Variants in ZC3H12B observed in about 807,000 individuals in gnomAD.
ZC3H12B encodes the protein probable ribonuclease ZC3H12B.
A neutral mutation model predicts 43.9 loss-of-function variants in ZC3H12B; 7 were observed. The observed-to-expected ratio is 0.16, with a 90% CI of 0.09 to 0.30. ZC3H12B has a LOEUF of 0.30. Ranked by LOEUF, ZC3H12B falls within the 10% of genes least tolerant of loss-of-function variation. ZC3H12B has a pLI of 1.00. For missense variants in ZC3H12B, 475 were observed against 670.2 expected, an observed-to-expected ratio of 0.71 and a Z score of 3.22; for synonymous variants, 222 against 241.7, an observed-to-expected ratio of 0.92 and a Z score of 0.76.
At chrX:65,461,898 TA>T (rs2067755007) in intron 3 of ZC3H12B, among the ~76,000 whole-genome samples, 1 of 109,896 alleles carries the variant, frequency 9.1e-6, no homozygotes. Context: ...TTCAGGATTT[TA>T]AAAAAAGAAT....
the ZC3H12B span, among the ~76,000 whole-genome samples, chrX:65,292,557 G>A: frequency 9.0e-6 from 1 of 110,959 alleles, no homozygotes; most frequent in African/African-American, 3.3e-5. Flanking sequence ...TGTGCAACAA[G>A]CAAACTACTC....
intron 3 of ZC3H12B, among the ~76,000 whole-genome samples, chrX:65,399,524 G>A (rs779216088): frequency 9.0e-6 from 1 of 111,583 alleles, no homozygotes; most frequent in East Asian, 2.8e-4. Flanking sequence ...TCAAAAGACA[G>A]GCAATAACAA....
At chrX:65,291,587 A>G in the ZC3H12B span, among the ~76,000 whole-genome samples, 1 of 112,289 alleles carries the variant, frequency 8.9e-6, no homozygotes, top group African/African-American at 3.2e-5. Flanking sequence ...TAAGGCATGT[A>G]AAATATTGAG....
chrX:65,458,085 T>G (rs867472609), intron 3 of ZC3H12B, among the ~76,000 whole-genome samples: 3 of 49,082 alleles, frequency 6.1e-5, no homozygotes, highest in Non-Finnish European at 7.6e-5. Context: ...AAAAAAAAAT[T>G]AAAAAAAAAA....
the ZC3H12B span, among the ~76,000 whole-genome samples, chrX:65,136,639 C>A: frequency 9.0e-6 from 1 of 111,130 alleles, no homozygotes; most frequent in East Asian, 2.8e-4. Flanking sequence ...ATTGTCTGTC[C>A]CAATGGCATT....
chrX:65,327,097 A>G, the ZC3H12B span, among the ~76,000 whole-genome samples: 3 of 111,437 alleles, frequency 2.7e-5, no homozygotes, highest in East Asian at 5.6e-4. Flanking sequence ...TAAAATTACT[A>G]TATGATCCAG....
the ZC3H12B span, among the ~76,000 whole-genome samples, chrX:65,247,023 A>G: frequency 8.9e-6 from 1 of 112,351 alleles, no homozygotes; most frequent in Non-Finnish European, 1.9e-5. Flanking sequence ...AAAGATCAGC[A>G]TCTATAAGGA....
chrX:65,121,278 C>A, the ZC3H12B span, among the ~76,000 whole-genome samples: 18 of 111,151 alleles, frequency 1.6e-4, no homozygotes, highest in African/African-American at 5.9e-4. Flanking sequence ...TCCGTCTGGT[C>A]CTGGAGTTTT....
At chrX:65,195,907 C>T in the ZC3H12B span, among the ~76,000 whole-genome samples, 25 of 112,121 alleles carry the variant, frequency 2.2e-4, no homozygotes, top group Non-Finnish European at 3.8e-4. Flanking sequence ...TCTTTACTCT[C>T]TAGTGGTGTT....
At chrX:65,057,328 C>T in the ZC3H12B span, among the ~76,000 whole-genome samples, 8 of 111,415 alleles carry the variant, frequency 7.2e-5, no homozygotes, top group African/African-American at 2.6e-4. Context: ...GATTTTATTT[C>T]TCCTTCACTT....
chrX:65,309,244 G>A, the ZC3H12B span, among the ~76,000 whole-genome samples: 1 of 109,766 alleles, frequency 9.1e-6, no homozygotes, highest in Non-Finnish European at 1.9e-5. Context: ...TTGATAGACT[G>A]CTAGCAAGAT....
At chrX:65,102,676 C>G in the ZC3H12B span, among the ~76,000 whole-genome samples, 1 of 111,739 alleles carries the variant, frequency 8.9e-6, no homozygotes. Flanking sequence ...ATACAACTTA[C>G]AAGGCACGTG....
the ZC3H12B span, among the ~76,000 whole-genome samples, chrX:65,127,892 G>A: frequency 1.3e-4 from 15 of 111,204 alleles, no homozygotes; most frequent in African/African-American, 3.9e-4. Flanking sequence ...CCCACCAATA[G>A]CACCAGTCTA....
chrX:65,050,468 G>A, the ZC3H12B span, among the ~76,000 whole-genome samples: 1 of 110,686 alleles, frequency 9.0e-6, no homozygotes, highest in Non-Finnish European at 1.9e-5. Flanking sequence ...AGGCATCCTT[G>A]CCTTGTTCCT....
intron 3 of ZC3H12B, among the ~76,000 whole-genome samples, chrX:65,437,342 A>G (rs772676809): frequency 4.5e-4 from 50 of 111,798 alleles, no homozygotes; most frequent in Non-Finnish European, 8.5e-4. Flanking sequence ...TCTACCCTCC[A>G]TCTCCATGAA....
chrX:65,234,086 C>G, the ZC3H12B span, among the ~76,000 whole-genome samples: 3 of 111,201 alleles, frequency 2.7e-5, no homozygotes, highest in Non-Finnish European at 3.8e-5. Context: ...AACTGCAGGC[C>G]AAGATCTCTG....
intron 3 of ZC3H12B, among the ~76,000 whole-genome samples, chrX:65,482,130 T>C (rs1385336427): frequency 8.9e-6 from 1 of 112,075 alleles, no homozygotes; most frequent in African/African-American, 3.2e-5. Context: ...CCCAGTGTTG[T>C]TAACTGAATG....
At chrX:65,439,713 C>T (rs1172421246) in intron 3 of ZC3H12B, among the ~76,000 whole-genome samples, 1 of 111,858 alleles carries the variant, frequency 8.9e-6, no homozygotes, top group Non-Finnish European at 1.9e-5. Context: ...TCATAGCTAC[C>T]ATTAAATTAT....
chrX:65,152,652 A>G, the ZC3H12B span, among the ~76,000 whole-genome samples: 2 of 111,379 alleles, frequency 1.8e-5, no homozygotes, highest in African/African-American at 3.3e-5. Flanking sequence ...GAAAATGGCC[A>G]TACCGCTCAA....
Sources: allele counts gnomAD v4.1 joint callset (sites outside exome capture counted in the v4.1 genomes callset), GRCh38; gene constraint gnomAD v4.1.1; transcripts MANE v1.5; gene names NCBI Gene and HGNC (gene_info 2026-07-23, HGNC 2026-07-21).